UGT1A6: variants seen among roughly 807,000 people sequenced by gnomAD.
UGT1A6 encodes the protein UDP-glucuronosyltransferase 1A6.
A neutral mutation model predicts 44.4 loss-of-function variants in UGT1A6; 32 were observed. The ratio of observed to expected loss-of-function variants is 0.72; its 90% CI spans 0.54 to 0.97. The LOEUF is 0.97. UGT1A6 is among the 50% of genes least tolerant of loss of function. The probability of loss-of-function intolerance (pLI) is 0.00; values close to 1 mark genes in which losing one functional copy is unlikely to be tolerated. For synonymous variants in UGT1A6, 238 were observed against 248.5 expected, an observed-to-expected ratio of 0.96 and a Z score of 0.40; for missense variants, 685 against 661.9, an observed-to-expected ratio of 1.03 and a Z score of -0.38.
chr2:233,726,380 C>G (rs534421761), intron 1 of UGT1A6, among the ~76,000 whole-genome samples: 22 of 152,296 alleles, frequency 1.4e-4, no homozygotes, highest in African/African-American at 4.1e-4. Flanking sequence ...ACCAAAATTG[C>G]TTCCATCTCA....
chr2:233,760,970 C>T (rs767709240), intron 1 of UGT1A6: 2 of 1,614,170 alleles, frequency 1.2e-6, no homozygotes, highest in South Asian at 1.1e-5. Flanking sequence ...GTGGTTTATT[C>T]CCCGTATGCA....
At chr2:233,747,483 C>G (rs993277218) in intron 1 of UGT1A6, 3 of 1,608,496 alleles carry the variant, frequency 1.9e-6, no homozygotes, top group Non-Finnish European at 1.7e-6. Flanking sequence ...TGAATTTGAT[C>G]GCCTTGTGCT....
At chr2:233,762,238 A>G (rs1231676264) in intron 1 of UGT1A6, among the ~76,000 whole-genome samples, 1 of 152,096 alleles carries the variant, frequency 6.6e-6, no homozygotes, top group East Asian at 1.9e-4. Context: ...CCTAAGGCAC[A>G]GAATAGGCAC....
chr2:233,760,979 C>A, intron 1 of UGT1A6: 1 of 1,614,224 alleles, frequency 6.2e-7, no homozygotes, highest in Non-Finnish European at 8.5e-7. Context: ...TCCCCGTATG[C>A]AACCCTTGCC....
At chr2:233,711,219 A>AT (rs1297902329) in intron 1 of UGT1A6, among the ~76,000 whole-genome samples, 2 of 152,182 alleles carry the variant, frequency 1.3e-5, no homozygotes, top group Non-Finnish European at 2.9e-5. Flanking sequence ...CAGTGCTCCC[A>AT]TGTCGCTGAA....
intron 1 of UGT1A6, chr2:233,755,161 C>A (rs1553619056): frequency 1.5e-6 from 2 of 1,292,236 alleles, no homozygotes; most frequent in East Asian, 4.6e-5. Context: ...TCCCTGTCCT[C>A]GGGGTTTTTG....
chr2:233,737,470 C>T (rs544364093), intron 1 of UGT1A6, among the ~76,000 whole-genome samples: 5 of 152,298 alleles, frequency 3.3e-5, no homozygotes, highest in African/African-American at 1.2e-4. Flanking sequence ...GTCATGGCTC[C>T]CCTTGTCTAG....
At chr2:233,719,761 G>T in intron 1 of UGT1A6, 2 of 1,612,292 alleles carry the variant, frequency 1.2e-6, no homozygotes, top group Admixed American at 1.7e-5. Context: ...ACTTACAAGT[G>T]CTTCCATATC....
chr2:233,746,482 T>A (rs1022385287), intron 1 of UGT1A6, among the ~76,000 whole-genome samples: 2 of 151,822 alleles, frequency 1.3e-5, no homozygotes, highest in Non-Finnish European at 2.9e-5. Context: ...ACACTTTCCA[T>A]GGACATGTCA....
At chr2:233,729,900 A>G in intron 1 of UGT1A6, 1 of 1,613,884 alleles carries the variant, frequency 6.2e-7, no homozygotes, top group Non-Finnish European at 8.5e-7. Flanking sequence ...GGCTGTTCCG[A>G]GGGGACTTTG....
chr2:233,769,433 A>G lies in UGT1A6; in HGVS notation c.1301+994A>G. The G allele has an allele frequency of 6.5e-7, 1 of 1,549,602 alleles. No homozygotes were observed. Among genetic ancestry groups the G allele is most frequent in the Non-Finnish European group, 8.9e-7 (1 of 1,128,216 alleles). ...TGCGTTTGTGCATGTGGCTGTGCTC[A>G]TGTGTGGGTGCACACGTGTGCATTC... is the stretch of plus-strand genomic sequence containing the variant. On this transcript the variant is annotated intron_variant, in intron 4 of 4. Coordinates refer to ENST00000305139, the MANE Select transcript of UGT1A6 (RefSeq NM_001072.4). This position sits in a 1 kb window ranked among gnomAD's most constrained non-coding sequence, Gnocchi z 4.4.
At chr2:233,692,689 G>A (rs2075110228), upstream of UGT1A6, among the ~76,000 whole-genome samples, 1 of 152,206 alleles carries the variant, frequency 6.6e-6, no homozygotes, top group South Asian at 2.1e-4. Context: ...GGGGTCCTCA[G>A]GGGTCTCTCC....
At chr2:233,725,264 G>GGCAGAGGCAGAGGCAGAGGCAGAGGCA (rs1216362118) in intron 1 of UGT1A6, among the ~76,000 whole-genome samples, 1 of 58,548 alleles carries the variant, frequency 1.7e-5, no homozygotes, top group African/African-American at 1.3e-4. Flanking sequence ...CAGAGGCAGA[G>GGCAGAGGCAGAGGCAGAGGCAGAGGCA]GAGGCAGAGG....
intron 1 of UGT1A6, chr2:233,753,586 C>G (rs1242811464): frequency 6.6e-6 from 1 of 152,168 alleles, no homozygotes; most frequent in Admixed American, 6.5e-5. Context: ...GATGGACTAC[C>G]CCAAGGCAAT....
At chr2:233,748,125 T>A in intron 1 of UGT1A6, 1 of 1,610,546 alleles carries the variant, frequency 6.2e-7, no homozygotes, top group Middle Eastern at 2.0e-4. Context: ...GGCAAAACAG[T>A]TTTTAAAAAT....
intron 1 of UGT1A6, chr2:233,753,285 G>A (rs1446489164): frequency 6.6e-6 from 1 of 152,238 alleles, no homozygotes; most frequent in Admixed American, 6.5e-5. Context: ...TGATTTCAGA[G>A]TTCAGTGTGA....
chr2:233,698,773 A>G (rs2075461465), intron 1 of UGT1A6, among the ~76,000 whole-genome samples: 1 of 152,240 alleles, frequency 6.6e-6, no homozygotes, highest in Non-Finnish European at 1.5e-5. Context: ...AAGAAAGAGT[A>G]TCCTTTCTCA....
At chr2:233,721,199 C>T (rs1012504962) in intron 1 of UGT1A6, among the ~76,000 whole-genome samples, 4 of 152,106 alleles carry the variant, frequency 2.6e-5, no homozygotes, top group Admixed American at 2.0e-4. Context: ...ATTTGTTCTA[C>T]TGGTTTTCTT....
intron 1 of UGT1A6, chr2:233,719,069 A>G (rs774814247): frequency 7.4e-6 from 12 of 1,614,284 alleles, no homozygotes; most frequent in South Asian, 1.1e-5. Flanking sequence ...ATGCTGTTCC[A>G]TGGACCCAGA....
Sources: gnomAD v4.1 joint callset for allele counts (sites outside exome capture counted in the v4.1 genomes callset) on GRCh38, gnomAD v4.1.1 for gene constraint, Gnocchi (gnomAD v3.1) non-coding constraint, MANE v1.5 for transcripts, NCBI Gene and HGNC (gene_info 2026-07-23, HGNC 2026-07-21) for gene names.